The following GALNT2 variants were observed in gnomAD, a reference collection of about 807,000 sequenced individuals.
GALNT2 encodes the protein polypeptide N-acetylgalactosaminyltransferase 2, also known as UDP-GalNAc:polypeptide N-acetylgalactosaminyltransferase 2.
A neutral mutation model predicts 81.4 loss-of-function variants in GALNT2; 31 were observed. That is an observed-to-expected ratio of 0.38 (90% CI 0.29 to 0.51). GALNT2 has a LOEUF of 0.51. Among genes scored for constraint, GALNT2 ranks in the 20% least tolerant of loss-of-function variants. The pLI is 0.87. For synonymous variants in GALNT2, 303 were observed against 287.4 expected (o/e 1.05, Z -0.55); for missense variants, 629 against 765.7 (o/e 0.82, Z 2.11).
In GALNT2 at chr1:230,152,717, C is replaced by T. The variant is rs117238599; in HGVS notation, c.127-25501C>T. Reference sequence around the variant, plus strand: ...AGATAATCCTTCTCCTACACAGACTCGTGTTTTGTGTGAGTGGGACACTCC... The same window carrying T: ...AGATAATCCTTCTCCTACACAGACTTGTGTTTTGTGTGAGTGGGACACTCC... On this transcript the variant is annotated intron_variant, in intron 1 of 15. Coordinates refer to ENST00000366672, the MANE Select transcript of GALNT2 (RefSeq NM_004481.5). 1.5e-3 allele frequency among the ~76,000 whole-genome samples: 229 copies of T among 152,324 alleles called. 7 individuals are homozygous for T. The East Asian group carries it at 0.037, about 24-fold the overall frequency.
intron 6 of GALNT2, among the ~76,000 whole-genome samples, chr1:230,241,442 T>C (rs1665197628): frequency 1.3e-5 from 2 of 150,882 alleles, no homozygotes; most frequent in Admixed American, 6.6e-5. Flanking sequence ...TTTTTTTTTT[T>C]CGTTTGTTTG....
At chr1:230,260,947 A>G (rs928500936) in intron 11 of GALNT2, among the ~76,000 whole-genome samples, 3 of 152,184 alleles carry the variant, frequency 2.0e-5, no homozygotes, top group Non-Finnish European at 4.4e-5. Context: ...ACTATATGCA[A>G]TTCTGCAAAC....
chr1:230,171,500 A>G (rs1174999611), intron 1 of GALNT2, among the ~76,000 whole-genome samples: 1 of 152,252 alleles, frequency 6.6e-6, no homozygotes, highest in Non-Finnish European at 1.5e-5. Flanking sequence ...GTAGTCATTC[A>G]GATGGTATTT....
At chr1:230,180,198 G>A (rs549484029) in intron 2 of GALNT2, among the ~76,000 whole-genome samples, 2 of 152,172 alleles carry the variant, frequency 1.3e-5, no homozygotes, top group East Asian at 1.9e-4. Context: ...GAATTACAGC[G>A]GGAGCCACCA....
chr1:230,227,498 C>T (rs536887915), intron 3 of GALNT2, among the ~76,000 whole-genome samples: 15 of 146,794 alleles, frequency 1.0e-4, no homozygotes, highest in Middle Eastern at 7.2e-3. Flanking sequence ...GCTATATATG[C>T]TATATAATAC....
At chr1:230,123,822 T>C (rs1661094774) in intron 1 of GALNT2, among the ~76,000 whole-genome samples, 1 of 152,236 alleles carries the variant, frequency 6.6e-6, no homozygotes, top group South Asian at 2.1e-4. Flanking sequence ...TTGCCTTTGT[T>C]TGCTAGTCTC....
chr1:230,083,226 T>G (rs1342127618), intron 1 of GALNT2, among the ~76,000 whole-genome samples: 2 of 97,990 alleles, frequency 2.0e-5, no homozygotes, highest in African/African-American at 4.1e-5. Context: ...GCCAGGATGA[T>G]GGAGCGGGGA....
At chr1:230,114,890 G>A (rs760784080) in intron 1 of GALNT2, among the ~76,000 whole-genome samples, 2 of 152,004 alleles carry the variant, frequency 1.3e-5, no homozygotes, top group Non-Finnish European at 2.9e-5. Flanking sequence ...CTGTATACCT[G>A]CTACCCCAAC....
intron 3 of GALNT2, among the ~76,000 whole-genome samples, chr1:230,232,684 T>C (rs941865866): frequency 4.6e-5 from 7 of 152,208 alleles, no homozygotes; most frequent in African/African-American, 1.7e-4. Flanking sequence ...GCATTACAGA[T>C]TGGGTTCTTG....
intron 3 of GALNT2, among the ~76,000 whole-genome samples, chr1:230,227,666 T>C (rs973941685): frequency 1.3e-5 from 2 of 152,056 alleles, no homozygotes; most frequent in African/African-American, 2.4e-5. Flanking sequence ...GGAGAATAGC[T>C]GTAGGTCATA....
At chr1:230,278,341 T>A (rs1410464859) in intron 15 of GALNT2, among the ~76,000 whole-genome samples, 1 of 152,008 alleles carries the variant, frequency 6.6e-6, no homozygotes, top group East Asian at 1.9e-4. Context: ...CCCAGGCTGG[T>A]CTTGAACTCC....
chr1:230,102,226 A>T (rs1660422658), intron 1 of GALNT2, among the ~76,000 whole-genome samples: 1 of 152,220 alleles, frequency 6.6e-6, no homozygotes. Context: ...ACGAAGCCCC[A>T]GGAGGGCAGG....
chr1:230,067,482 G>C, intron 1 of GALNT2, 76 bp downstream of exon 1: 1 of 507,510 alleles, frequency 2.0e-6, no homozygotes. Context: ...TGCCCTCTCC[G>C]CGCCGCCCCT....
intron 1 of GALNT2, among the ~76,000 whole-genome samples, chr1:230,088,190 C>T (rs1055396570): frequency 6.6e-6 from 1 of 152,100 alleles, no homozygotes; most frequent in Non-Finnish European, 1.5e-5. Flanking sequence ...AAGTGTAGTC[C>T]TGTTGTGAAA....
chr1:230,205,155 G>T (rs1318215302), intron 3 of GALNT2, among the ~76,000 whole-genome samples: 1 of 152,134 alleles, frequency 6.6e-6, no homozygotes, highest in Non-Finnish European at 1.5e-5. Flanking sequence ...AATGGCCAGT[G>T]AAACTACATT....
rs1024694625 is a variant in GALNT2, at chr1:230,193,907, G to A, written c.221-9230G>A. ...TGGCGGGGCCCCGAGCAGCCTTCCC[G>A]GGGCCTCAGTGCCTATGCTCAGCCT... On this transcript the variant is annotated intron_variant, in intron 2 of 15. Coordinates refer to ENST00000366672, the MANE Select transcript of GALNT2 (RefSeq NM_004481.5). The surrounding 1 kb of genome is among the most constrained non-coding windows in gnomAD (Gnocchi z 4.3). Among the ~76,000 whole-genome samples, 7 of 152,030 alleles carry A rather than the reference G, an allele frequency of 4.6e-5. No homozygotes were observed. Among genetic ancestry groups the A allele is most frequent in the Admixed American group, 1.3e-4 (2 of 15,268 alleles).
chr1:230,261,491 G>T (rs1572150658), intron 11 of GALNT2, among the ~76,000 whole-genome samples: 1 of 152,352 alleles, frequency 6.6e-6, no homozygotes, highest in East Asian at 1.9e-4. Context: ...TGAAGTGGGA[G>T]TCCACCTTAT....
chr1:230,202,532 C>A (rs1663922204), intron 2 of GALNT2, among the ~76,000 whole-genome samples: 1 of 152,160 alleles, frequency 6.6e-6, no homozygotes, highest in Non-Finnish European at 1.5e-5. Flanking sequence ...TTAGGAATGG[C>A]CAGGCCCCTG....
At chr1:230,231,972 C>T (rs1664879353) in intron 3 of GALNT2, among the ~76,000 whole-genome samples, 2 of 152,186 alleles carry the variant, frequency 1.3e-5, no homozygotes, top group Admixed American at 1.3e-4. Context: ...CTACTCGATT[C>T]CCAAAGAAAG....
Sources: gnomAD v4.1 joint callset for allele counts (sites outside exome capture counted in the v4.1 genomes callset) on GRCh38, gnomAD v4.1.1 for gene constraint, Gnocchi (gnomAD v3.1) non-coding constraint, MANE v1.5 for transcripts, NCBI Gene and HGNC (gene_info 2026-07-23, HGNC 2026-07-21) for gene names.